DIP2C: variants seen among roughly 807,000 people sequenced by gnomAD.
DIP2C encodes the protein DIP2 acetate--CoA ligase C (putative), also known as disco-interacting protein 2 homolog C.
DIP2C carries 33 observed loss-of-function variants against 192.4 expected under a neutral mutation model. The ratio of observed to expected loss-of-function variants is 0.17; its 90% CI spans 0.13 to 0.23. The LOEUF is 0.23. Among genes scored for constraint, DIP2C ranks in the 10% least tolerant of loss-of-function variants. DIP2C has a pLI of 1.00. For missense variants in DIP2C, 1,537 were observed against 2,110.1 expected (o/e 0.73, Z 5.32); for synonymous variants, 979 against 864.1 (o/e 1.13, Z -2.33).
intron 1 of DIP2C, among the ~76,000 whole-genome samples, chr10:487,720 G>A (rs969763219): frequency 1.3e-5 from 2 of 151,896 alleles, no homozygotes; most frequent in African/African-American, 4.8e-5. Context: ...TGAGACTACA[G>A]GCGCTGGCCA....
intron 34 of DIP2C, among the ~76,000 whole-genome samples, chr10:285,197 C>T (rs1183225873): frequency 6.7e-6 from 1 of 149,462 alleles, no homozygotes; most frequent in African/African-American, 2.5e-5. Flanking sequence ...GCAAAGCAAG[C>T]TGGGACGTGA....
chr10:579,690 C>T (rs1850460971), intron 1 of DIP2C, among the ~76,000 whole-genome samples: 1 of 151,980 alleles, frequency 6.6e-6, no homozygotes, highest in Non-Finnish European at 1.5e-5. Context: ...TGCAGTATAA[C>T]ATGTATGTAC....
chr10:414,203 A>G, intron 7 of DIP2C, 93 bp from the exon 8 acceptor site: 1 of 1,388,650 alleles, frequency 7.2e-7, no homozygotes, highest in Non-Finnish European at 9.7e-7. Context: ...AGAGATTTAT[A>G]CTTAAGCTGT....
intron 3 of DIP2C, among the ~76,000 whole-genome samples, chr10:450,553 A>G (rs537815774): frequency 1.3e-5 from 2 of 152,320 alleles, no homozygotes; most frequent in Non-Finnish European, 2.9e-5. Flanking sequence ...TGATGCAGAG[A>G]ATTCTTCTGA....
chr10:558,343 C>T (rs1384422532), intron 1 of DIP2C, among the ~76,000 whole-genome samples: 2 of 152,172 alleles, frequency 1.3e-5, no homozygotes, highest in Admixed American at 6.5e-5. Flanking sequence ...TGGGAGGACT[C>T]GAGTCATGTG....
intron 1 of DIP2C, among the ~76,000 whole-genome samples, chr10:542,688 T>C (rs560200941): frequency 6.6e-6 from 1 of 152,230 alleles, no homozygotes; most frequent in Non-Finnish European, 1.5e-5. Flanking sequence ...TGGGGGGTTC[T>C]GACCCTGTCC....
At chr10:550,610 T>G (rs1260527647) in intron 1 of DIP2C, among the ~76,000 whole-genome samples, 1 of 152,142 alleles carries the variant, frequency 6.6e-6, no homozygotes, top group African/African-American at 2.4e-5. Flanking sequence ...GCTCTTCTCC[T>G]CCTGGACAAA....
In DIP2C at chr10:300,254, G is replaced by A. The variant is rs1589422408; in HGVS notation, c.3986+9777C>T. ...GGTGGAAGCAACCCAAGTGAACATC[G>A]GCAGACAATGGATGAGCCAAGTGTG... is the stretch of plus-strand genomic sequence containing the variant. On this transcript the variant is annotated intron_variant, in intron 32 of 36. Transcript: ENST00000280886. Among the ~76,000 whole-genome samples the A allele has an allele frequency of 4.6e-5, 7 of 152,160 alleles. No homozygotes were observed. The South Asian group carries it at 1.0e-3, about 23-fold the overall frequency.
chr10:662,837 G>C (rs1412479034), intron 1 of DIP2C: 9 of 717,394 alleles, frequency 1.3e-5, no homozygotes, highest in Non-Finnish European at 2.3e-5. Flanking sequence ...GTTGAGGAAA[G>C]AGGCCACACC....
intron 1 of DIP2C, among the ~76,000 whole-genome samples, chr10:528,665 C>T (rs1483416866): frequency 1.3e-5 from 2 of 152,210 alleles, no homozygotes; most frequent in African/African-American, 4.8e-5. Context: ...AGCATCAGCA[C>T]CTGTAGGGTC....
intron 1 of DIP2C, among the ~76,000 whole-genome samples, chr10:548,207 C>CT (rs1848393149): frequency 1.2e-5 from 1 of 81,886 alleles, no homozygotes; most frequent in Non-Finnish European, 2.7e-5. Flanking sequence ...GAGTCTGCCC[C>CT]ACCCCCCCCC....
At chr10:609,957 CT>C (rs1360091835) in intron 1 of DIP2C, among the ~76,000 whole-genome samples, 1 of 152,130 alleles carries the variant, frequency 6.6e-6, no homozygotes, top group African/African-American at 2.4e-5. Flanking sequence ...CCACCGAGGG[CT>C]TTGGGGACAG....
intron 1 of DIP2C, among the ~76,000 whole-genome samples, chr10:488,997 T>C (rs1189560698): frequency 2.0e-5 from 3 of 152,196 alleles, no homozygotes; most frequent in African/African-American, 7.2e-5. Context: ...GGTGATCATT[T>C]ACCTGTTCAG....
intron 2 of DIP2C, among the ~76,000 whole-genome samples, chr10:477,981 GTAGAAGAGAAGA>G (rs371164465): frequency 1.2e-5 from 1 of 82,316 alleles, no homozygotes; most frequent in East Asian, 3.6e-4. Context: ...GGAACAGAAA[GTAGAAGAGAAGA>G]TAGAAGAGGA....
At chr10:580,118 A>G (rs1317701808) in intron 1 of DIP2C, among the ~76,000 whole-genome samples, 2 of 152,160 alleles carry the variant, frequency 1.3e-5, no homozygotes, top group African/African-American at 4.8e-5. Context: ...TAGGTATAAC[A>G]TCTATATACA....
chr10:565,354 T>TAAAAAAAAAAAAAAAAAAAAAAAAA lies in DIP2C; in HGVS notation c.86-78825_86-78824insTTTTTTTTTTTTTTTTTTTTTTTTT, dbSNP rs59721670. ...AAAATATGAAACAGTACCTGCATTC[T>TAAAAAAAAAAAAAAAAAAAAAAAAA]AAAAAAAAAAAAAAAAAGACCTAGA... On this transcript the variant is annotated intron_variant, in intron 1 of 36. Coordinates refer to ENST00000280886, the MANE Select transcript of DIP2C (RefSeq NM_014974.3). 5.0e-4 allele frequency among the ~76,000 whole-genome samples: 57 copies of TAAAAAAAAAAAAAAAAAAAAAAAAA among 114,086 alleles called. 1 individual carries two copies. Among genetic ancestry groups the TAAAAAAAAAAAAAAAAAAAAAAAAA allele is most frequent in the African/African-American group, 2.1e-3 (55 of 26,664 alleles). The allele number at this position is 114,086 out of a possible 152,430, so 74.8% of individuals were successfully genotyped here.
intron 3 of DIP2C, among the ~76,000 whole-genome samples, chr10:442,559 T>TA (rs1305755237): frequency 2.0e-5 from 3 of 152,180 alleles, no homozygotes; most frequent in African/African-American, 4.8e-5. Context: ...TAATTTCAGA[T>TA]ACACAGAAAA....
chr10:586,432 C>A (rs1343214845), intron 1 of DIP2C, among the ~76,000 whole-genome samples: 1 of 152,114 alleles, frequency 6.6e-6, no homozygotes, highest in Non-Finnish European at 1.5e-5. Context: ...CACGCCACCA[C>A]CCCTCACTAC....
At position 408,973 on chromosome 10, in the gene DIP2C, G is replaced by T; in HGVS notation, c.1102C>A (p.His368Asn). 1 of 1,614,188 alleles carries T rather than the reference G, an allele frequency of 6.2e-7. No individual in the cohort carries two copies. The highest frequency in any genetic ancestry group is 8.5e-7 in the Non-Finnish European group (1 of 1,180,022). The change falls in exon 9 of 37, where the codon CAC (histidine) becomes AAC (asparagine). Residue 368 changes from histidine to asparagine, a missense_variant. Around this residue, in one of 4 missense-constraint regions of DIP2C, gnomAD observed 473 missense variants for 539.6 expected, o/e 0.88. Transcript: ENST00000280886. ...RSMKVAYSIL[H>N]KLGTKQEPMV... ...GGTTCCTGCTTTGTGCCTAATTTGT[G>T]TAGAATGCTGTAAGCGACCTTCATA...
Sources: allele counts gnomAD v4.1 joint callset (sites outside exome capture counted in the v4.1 genomes callset), GRCh38; gene constraint gnomAD v4.1.1; regional missense constraint gnomAD v4.1.1; transcripts MANE v1.5; gene names NCBI Gene and HGNC (gene_info 2026-07-23, HGNC 2026-07-21).